CACNA1B: variants seen among roughly 807,000 people sequenced by gnomAD.
CACNA1B encodes the protein calcium voltage-gated channel subunit alpha1 B, also known as voltage-dependent N-type calcium channel subunit alpha-1B.
A neutral mutation model predicts 247.2 loss-of-function variants in CACNA1B; 70 were observed. That is an observed-to-expected ratio of 0.28 (90% CI 0.23 to 0.35). CACNA1B has a LOEUF of 0.35. Among genes scored for constraint, CACNA1B ranks in the 10% least tolerant of loss-of-function variants. The pLI is 1.00. For synonymous variants in CACNA1B, 1,231 were observed against 1,294.4 expected, an observed-to-expected ratio of 0.95 and a Z score of 1.05; for missense variants, 2,367 against 3,197.4, an observed-to-expected ratio of 0.74 and a Z score of 6.26.
chr9:138,074,055 A>G lies in CACNA1B; in HGVS notation c.4846A>G (p.Ile1616Val), dbSNP rs1023985280. 4.3e-6 allele frequency: 7 copies of G among 1,612,540 alleles called. No homozygotes were observed. The highest frequency in any genetic ancestry group is 5.9e-6 in the Non-Finnish European group (7 of 1,179,616). ...CATGCTGTTCTTCATCTACGCCATC[A>G]TCGGCATGCAGGTGGGTGCTCCCCT... Reference protein sequence around the residue: ...IAMLFFIYAIIGMQVFGNIAL... With the variant: ...IAMLFFIYAIVGMQVFGNIAL... Residue 1616 changes from isoleucine to valine, a missense_variant, in exon 34 of 47, where the codon ATC becomes GTC. Physicochemically the swap from Ile to Val is conservative, Grantham distance 29. This residue lies in a region of CACNA1B where 436 missense variants were observed against 679.5 expected (regional missense o/e 0.64). Coordinates refer to ENST00000371372, the MANE Select transcript of CACNA1B (RefSeq NM_000718.4).
intron 3 of CACNA1B, among the ~76,000 whole-genome samples, chr9:137,894,073 TGTATACACATTC>T (rs1228184403): frequency 2.0e-5 from 3 of 152,274 alleles, no homozygotes; most frequent in African/African-American, 7.2e-5. Context: ...TGAACAAAGC[TGTATACACATTC>T]ATGTACAGGT....
intron 41 of CACNA1B, 137 bp downstream of exon 41, chr9:138,114,627 A>G: frequency 1.6e-6 from 1 of 610,080 alleles, no homozygotes; most frequent in Non-Finnish European, 2.9e-6. Flanking sequence ...AGATTCTTGC[A>G]GCTACCTCTC....
In CACNA1B at chr9:137,882,951, C is replaced by T. The variant is rs775240573; in HGVS notation, c.530+68C>T. The T allele has an allele frequency of 1.9e-5, 29 of 1,519,372 alleles. No individual in the cohort carries two copies. Among genetic ancestry groups the T allele is most frequent in the African/African-American group, 1.3e-4 (9 of 70,974 alleles). The allele number at this position is 1,519,372 out of a possible 1,614,324, so 94.1% of individuals were successfully genotyped here. ...GCGTGTGCTCTCTGAAGCTCAGTTG[C>T]GCCGTGGAGCTGGGGCAGCTGCAGT... On this transcript the variant is annotated intron_variant, in intron 3 of 46. Transcript: ENST00000371372. The surrounding 1 kb of genome is among the most constrained non-coding windows in gnomAD (Gnocchi z 4.0).
intron 32 of CACNA1B, among the ~76,000 whole-genome samples, chr9:138,070,520 T>G (rs540249320): frequency 6.6e-6 from 1 of 152,236 alleles, no homozygotes; most frequent in Non-Finnish European, 1.5e-5. Flanking sequence ...AGCAAAGATA[T>G]TTGGTAACTG....
chr9:138,060,001 T>C (rs957763459), intron 31 of CACNA1B, among the ~76,000 whole-genome samples: 7 of 152,218 alleles, frequency 4.6e-5, no homozygotes, highest in African/African-American at 1.7e-4. Flanking sequence ...TGGTAACAAC[T>C]AATCAAGAAG....
chr9:138,053,092 C>T (rs1158576581), intron 25 of CACNA1B, among the ~76,000 whole-genome samples: 1 of 152,242 alleles, frequency 6.6e-6, no homozygotes, highest in East Asian at 1.9e-4. Flanking sequence ...ACACGTGTTC[C>T]TGTCCTGGAG....
intron 36 of CACNA1B, among the ~76,000 whole-genome samples, chr9:138,086,652 CA>C (rs1960702232): frequency 6.6e-6 from 1 of 151,354 alleles, no homozygotes; most frequent in Non-Finnish European, 1.5e-5. Flanking sequence ...AGCACCCAGA[CA>C]TACAAAACAA....
rs1959161129 is a variant in CACNA1B at position 138,043,764 on chromosome 9, G to A, written c.3287-10G>A. On this transcript the variant is annotated splice_polypyrimidine_tract_variant and intron_variant, in intron 20 of 46. Transcript: ENST00000371372. ...TACACCCCTTACTCGGGGGCCCTGT[G>A]TCCTTGTAGGTGGTAACGTGGACCT... 6.2e-7 allele frequency: 1 copy of A among 1,613,808 alleles called. No homozygotes were observed. Among genetic ancestry groups the A allele is most frequent in the Non-Finnish European group, 8.5e-7 (1 of 1,179,860 alleles).
chr9:137,900,898 G>A (rs1422530484), intron 3 of CACNA1B, among the ~76,000 whole-genome samples: 2 of 141,500 alleles, frequency 1.4e-5, no homozygotes, highest in Admixed American at 7.0e-5. Context: ...TGTGTGTACC[G>A]TGTGTCCGTG....
rs1323413789 is a variant in CACNA1B at position 137,971,272 on chromosome 9, C to T, written c.1334-111C>T. On this transcript the variant is annotated intron_variant, in intron 10 of 46. Coordinates refer to ENST00000371372, the MANE Select transcript of CACNA1B (RefSeq NM_000718.4). The surrounding 1 kb of genome is among the most constrained non-coding windows in gnomAD (Gnocchi z 4.4). ...GGTCACTGGCACAATTGTCTGTGACCGGCTGGGGCTGGGGGCAGGTGTCCT... is the reference window on the plus strand; with the variant it reads ...GGTCACTGGCACAATTGTCTGTGACTGGCTGGGGCTGGGGGCAGGTGTCCT... 3.5e-5 allele frequency: 25 copies of T among 721,992 alleles called. No individual in the cohort carries two copies. Among genetic ancestry groups the T allele is most frequent in the East Asian group, 1.3e-4 (5 of 37,256 alleles). The allele number at this position is 721,992 out of a possible 1,614,324, so 44.7% of individuals were successfully genotyped here. A position where few individuals can be genotyped will look rare whatever the true frequency, so the allele number is the denominator to read the frequency against.
chr9:138,117,849 T>G, intron 42 of CACNA1B, 97 bp from the exon 43 acceptor site: 27 of 892,826 alleles, frequency 3.0e-5, no homozygotes, highest in East Asian at 5.9e-5. Flanking sequence ...CTCTGCTGCA[T>G]GTGTTGGAGA....
chr9:137,971,997 C>T lies in CACNA1B; in HGVS notation c.1543+405C>T, dbSNP rs1958157073. Among the ~76,000 whole-genome samples the T allele has an allele frequency of 6.6e-6, 1 of 152,196 alleles. No individual in the cohort carries two copies. The highest frequency in any genetic ancestry group is 1.5e-5 in the Non-Finnish European group (1 of 68,024). Reference sequence around the variant, plus strand: ...GACTTAGCCCCACGCTCCTTTCCACCACGTGGCTGCTGATTCTGCCCCGGG... The same window carrying T: ...GACTTAGCCCCACGCTCCTTTCCACTACGTGGCTGCTGATTCTGCCCCGGG... On this transcript the variant is annotated intron_variant, in intron 11 of 46. Transcript: ENST00000371372. This position sits in a 1 kb window ranked among gnomAD's most constrained non-coding sequence, Gnocchi z 4.4.
intron 20 of CACNA1B, among the ~76,000 whole-genome samples, chr9:138,033,097 A>T (rs1959004589): frequency 6.6e-6 from 1 of 152,084 alleles, no homozygotes; most frequent in Non-Finnish European, 1.5e-5. Context: ...TGTTGCTCAG[A>T]TTGGATCATT....
At chr9:137,960,719 TGA>T (rs938333237) in intron 10 of CACNA1B, among the ~76,000 whole-genome samples, 4 of 151,994 alleles carry the variant, frequency 2.6e-5, no homozygotes, top group African/African-American at 7.3e-5. Flanking sequence ...CGAGGAAACC[TGA>T]GAGTCAGACA....
Position 138,075,862 on chromosome 9 carries a change from G to A in CACNA1B, c.4901G>A (p.Arg1634His), listed in dbSNP as rs1447287676. 1.2e-5 allele frequency: 20 copies of A among 1,612,356 alleles called. No individual in the cohort carries two copies. Among genetic ancestry groups the A allele is most frequent in the Non-Finnish European group, 1.5e-5 (18 of 1,179,100 alleles). ...IALDDDTSIN[R>H]HNNFRTFLQA... is the part of the protein sequence containing the mutation. ...CTGGATGATGACACCAGCATCAACC[G>A]CCACAACAACTTCCGGACGTTTTTG... is the stretch of plus-strand genomic sequence containing the variant. Residue 1634 changes from arginine to histidine, a missense_variant, in exon 35 of 47, where the codon CGC becomes CAC. Transcript: ENST00000371372.
intron 36 of CACNA1B, among the ~76,000 whole-genome samples, chr9:138,080,986 C>T (rs1051558348): frequency 6.6e-6 from 1 of 152,218 alleles, no homozygotes; most frequent in African/African-American, 2.4e-5. Context: ...ATGTTTGAGT[C>T]ATCTCCTGAT....
At chr9:137,942,633 T>TA in intron 6 of CACNA1B, among the ~76,000 whole-genome samples, 1 of 152,326 alleles carries the variant, frequency 6.6e-6, no homozygotes, top group East Asian at 1.9e-4. Flanking sequence ...GGACTACTAC[T>TA]CAGCCATAAA....
Position 137,888,735 on chromosome 9 carries a change from C to T in CACNA1B, c.530+5852C>T, listed in dbSNP as rs1463704986. On this transcript the variant is annotated intron_variant, in intron 3 of 46. Coordinates refer to ENST00000371372, the MANE Select transcript of CACNA1B (RefSeq NM_000718.4). The surrounding 1 kb of genome is among the most constrained non-coding windows in gnomAD (Gnocchi z 4.7). ...AGTCTGGTCAGCGGAGCTCAGGGGC[C>T]GAGGCACTGCTGACCCTGAGCTTCC... 9.9e-5 allele frequency among the ~76,000 whole-genome samples: 15 copies of T among 152,218 alleles called. No individual in the cohort carries two copies. Among genetic ancestry groups the T allele is most frequent in the Non-Finnish European group, 2.1e-4 (14 of 68,040 alleles).
chr9:137,972,204 A>G (rs1198449036), intron 11 of CACNA1B, among the ~76,000 whole-genome samples: 1 of 152,204 alleles, frequency 6.6e-6, no homozygotes, highest in Non-Finnish European at 1.5e-5. Context: ...CTGGTCTGTC[A>G]CAGCCTCGGA....
Sources: gnomAD v4.1 joint callset for allele counts (sites outside exome capture counted in the v4.1 genomes callset) on GRCh38, gnomAD v4.1.1 for gene constraint, gnomAD v4.1.1 regional missense constraint, Gnocchi (gnomAD v3.1) non-coding constraint, MANE v1.5 for transcripts, NCBI Gene and HGNC (gene_info 2026-07-23, HGNC 2026-07-21) for gene names.